SDK2: variants seen among roughly 807,000 people sequenced by gnomAD.
SDK2 encodes the protein sidekick cell adhesion molecule 2.
A neutral mutation model predicts 253.9 loss-of-function variants in SDK2; 105 were observed. The ratio of observed to expected loss-of-function variants is 0.41; its 90% CI spans 0.35 to 0.49. The LOEUF (loss-of-function observed/expected upper bound fraction) is 0.49, where lower values mean the gene tolerates loss of function less well. SDK2 is among the 20% of genes least tolerant of loss of function. The pLI, the probability that SDK2 is intolerant of heterozygous loss-of-function variation, is 0.06. For missense variants in SDK2, 2,608 were observed against 3,003.0 expected (o/e 0.87, Z 3.07); for synonymous variants, 1,249 against 1,234.9 (o/e 1.01, Z -0.24).
In SDK2 at chr17:73,618,175, T is replaced by C. The variant is rs2046084396; in HGVS notation, c.64+25850A>G. Among the ~76,000 whole-genome samples the C allele has an allele frequency of 6.6e-6, 1 of 152,176 alleles. No homozygotes were observed. Among genetic ancestry groups the C allele is most frequent in the African/African-American group, 2.4e-5 (1 of 41,448 alleles). On this transcript the variant is annotated intron_variant, in intron 1 of 44. Transcript: ENST00000392650. This position sits in a 1 kb window ranked among gnomAD's most constrained non-coding sequence, Gnocchi z 4.1. Reference sequence around the variant, plus strand: ...TTACCTGCAGGTAGGGAAATGGTAATTTGCTAACCCAAACCCATTCATTAG... The same window carrying C: ...TTACCTGCAGGTAGGGAAATGGTAACTTGCTAACCCAAACCCATTCATTAG...
chr17:73,423,292 A>G, intron 14 of SDK2, 94 bp downstream of exon 14: 1 of 1,212,858 alleles, frequency 8.2e-7, no homozygotes, highest in East Asian at 3.1e-5. Flanking sequence ...AAGGCCCAGA[A>G]CTAGGAAGCA....
At chr17:73,428,362 C>A (rs908325623) in intron 12 of SDK2, among the ~76,000 whole-genome samples, 4 of 152,134 alleles carry the variant, frequency 2.6e-5, no homozygotes, top group Non-Finnish European at 5.9e-5. Flanking sequence ...CGGCGCCTGG[C>A]CAGAGTGTTT....
At chr17:73,568,235 C>G (rs2045335501) in intron 1 of SDK2, among the ~76,000 whole-genome samples, 1 of 152,138 alleles carries the variant, frequency 6.6e-6, no homozygotes, top group Non-Finnish European at 1.5e-5. Flanking sequence ...ACCTTCTCCC[C>G]CTCTCTCTTG....
At chr17:73,545,181 G>T (rs1214999162) in intron 1 of SDK2, among the ~76,000 whole-genome samples, 1 of 151,338 alleles carries the variant, frequency 6.6e-6, no homozygotes, top group Admixed American at 6.6e-5. Flanking sequence ...TCTGTATCTT[G>T]TTGGGGTTCC....
At position 73,389,679 on chromosome 17, in the gene SDK2, C is replaced by T. The variant is rs564457192; in HGVS notation, c.4192+608G>A. Reference sequence around the variant, plus strand: ...GCTCCAGGCTGCAGCCCTGATCCTGCGCCCATCTGTGTTGACAAGGCCAGG... The same window carrying T: ...GCTCCAGGCTGCAGCCCTGATCCTGTGCCCATCTGTGTTGACAAGGCCAGG... On this transcript the variant is annotated intron_variant, in intron 29 of 44. Coordinates refer to ENST00000392650, the MANE Select transcript of SDK2 (RefSeq NM_001144952.2). Among the ~76,000 whole-genome samples the T allele has an allele frequency of 9.2e-5, 14 of 152,306 alleles. No individual in the cohort carries two copies. The East Asian group carries it at 1.5e-3, about 17-fold the overall frequency.
chr17:73,369,069 T>C, intron 36 of SDK2: 2 of 405,512 alleles, frequency 4.9e-6, no homozygotes, highest in Non-Finnish European at 1.0e-5. Flanking sequence ...AACCTTCCTT[T>C]TCACAGCCAA....
Position 73,338,678 on chromosome 17 carries a change from G to C in SDK2, c.6428C>G (p.Pro2143Arg). The C allele has an allele frequency of 6.3e-7, 1 of 1,592,406 alleles. No homozygotes were observed. Among genetic ancestry groups the C allele is most frequent in the Non-Finnish European group, 8.6e-7 (1 of 1,169,364 alleles). The change falls in exon 45 of 45, where the codon CCC becomes CGC. Residue 2143 changes from proline (P) to arginine (R), a missense_variant. Physicochemically the swap from Pro to Arg is moderately radical, Grantham distance 103. Coordinates refer to ENST00000392650, the MANE Select transcript of SDK2 (RefSeq NM_001144952.2). This position sits in a 1 kb window ranked among gnomAD's most constrained non-coding sequence, Gnocchi z 5.0. ...RTPTPQNPPN[P>R]PSQQSTLYRP... ...GTAGAGGGTGCTCTGCTGACTTGGG[G>C]GGTTAGGGGGGTTCTGGGGCGTTGG...
In SDK2 at chr17:73,564,202, T is replaced by A. The variant is rs565819509; in HGVS notation, c.65-56605A>T. ...GGTAACCAATAGCCACATATAGCTA[T>A]TTAAGTTAATTAAAATTAAATAAAA... On this transcript the variant is annotated intron_variant, in intron 1 of 44. Coordinates refer to ENST00000392650, the MANE Select transcript of SDK2 (RefSeq NM_001144952.2). 3.9e-5 allele frequency among the ~76,000 whole-genome samples: 6 copies of A among 152,380 alleles called. 1 individual carries two copies. The highest frequency in any genetic ancestry group is 1.4e-4 in the African/African-American group (6 of 41,592).
intron 2 of SDK2, among the ~76,000 whole-genome samples, chr17:73,500,742 C>G (rs1363594294): frequency 2.7e-5 from 4 of 149,998 alleles, no homozygotes; most frequent in Non-Finnish European, 5.9e-5. Context: ...TCCCTCCATT[C>G]TCCTCCATCC....
chr17:73,454,162 A>T (rs1673924336), intron 4 of SDK2, among the ~76,000 whole-genome samples: 1 of 152,226 alleles, frequency 6.6e-6, no homozygotes, highest in Non-Finnish European at 1.5e-5. Context: ...TTCACACAAC[A>T]ATGAAACAGC....
intron 12 of SDK2, among the ~76,000 whole-genome samples, chr17:73,428,992 G>T (rs936436844): frequency 6.6e-6 from 1 of 152,322 alleles, no homozygotes. Flanking sequence ...TACAGAGTGG[G>T]TCTGCAGGTT....
chr17:73,379,138 C>T lies in SDK2; in HGVS notation c.4980+39G>A. 6.8e-6 allele frequency: 10 copies of T among 1,470,190 alleles called. No homozygotes were observed. The highest frequency in any genetic ancestry group is 9.3e-6 in the Non-Finnish European group (10 of 1,075,082). The allele number at this position is 1,470,190 out of a possible 1,614,324, so 91.1% of individuals were successfully genotyped here. A position where few individuals can be genotyped will look rare whatever the true frequency, so the allele number is the denominator to read the frequency against. ...CTCCCCAGCCTCCGACCTGGCTTCT[C>T]ATCCGTGCACCCCTTTGCTCTGCCC... On this transcript the variant is annotated intron_variant, in intron 36 of 44. Coordinates refer to ENST00000392650, the MANE Select transcript of SDK2 (RefSeq NM_001144952.2). This position sits in a 1 kb window ranked among gnomAD's most constrained non-coding sequence, Gnocchi z 4.5.
intron 1 of SDK2, among the ~76,000 whole-genome samples, chr17:73,608,631 T>C (rs2045936788): frequency 6.6e-6 from 1 of 152,024 alleles, no homozygotes; most frequent in Non-Finnish European, 1.5e-5. Context: ...TTAGTAGAGA[T>C]GGGGTTTTAC....
Position 73,398,334 on chromosome 17 carries a change from G to C in SDK2, c.3189C>G (p.Pro1063=). The C allele has an allele frequency of 6.2e-7, 1 of 1,613,970 alleles. No homozygotes were observed. The highest frequency in any genetic ancestry group is 8.5e-7 in the Non-Finnish European group (1 of 1,179,836). Residue 1063 remains proline, a synonymous_variant, in exon 23 of 45, where the codon CCC becomes CCG. Transcript: ENST00000392650. The part of the protein sequence containing the change: ...ARSMEVPDLN[P]FTCYSFRMRQ... ...AGTCTCATTACCTGTAGCAGGTGAA[G>C]GGGTTGAGGTCGGGCACCTCCATGG...
chr17:73,571,947 G>C (rs544465209), intron 1 of SDK2, among the ~76,000 whole-genome samples: 1 of 152,190 alleles, frequency 6.6e-6, no homozygotes, highest in South Asian at 2.1e-4. Flanking sequence ...AAGGAGGAGC[G>C]CCCGCGGGGC....
In SDK2 at chr17:73,447,681, C is replaced by A; in HGVS notation, c.547G>T (p.Val183Leu). 6.4e-7 allele frequency: 1 copy of A among 1,551,804 alleles called. No homozygotes were observed. Among genetic ancestry groups the A allele is most frequent in the South Asian group, 1.2e-5 (1 of 84,064 alleles). Residue 183 changes from valine (V) to leucine (L), a missense_variant, in exon 5 of 45, where the codon GTG (valine) becomes TTG (leucine). This residue lies in a region of SDK2 where 1,505 missense variants were observed against 1,859.1 expected (regional missense o/e 0.81). Transcript: ENST00000392650. This position sits in a 1 kb window ranked among gnomAD's most constrained non-coding sequence, Gnocchi z 4.0. ...CCGTTTTTGTCGTTAACAGCCTGCA[C>A]ATAGTAGCGACCTGCGTCAGGGGCC... ...TVAPDAGRYY[V>L]QAVNDKNGDN... is the part of the protein sequence containing the mutation.
intron 44 of SDK2, among the ~76,000 whole-genome samples, chr17:73,340,575 A>G (rs1414773992): frequency 6.6e-6 from 1 of 152,168 alleles, no homozygotes; most frequent in Non-Finnish European, 1.5e-5. Flanking sequence ...ACTGGGGACA[A>G]AGCCAGAGCC....
At chr17:73,626,205 G>A (rs1461080989) in intron 1 of SDK2, among the ~76,000 whole-genome samples, 1 of 152,246 alleles carries the variant, frequency 6.6e-6, no homozygotes, top group Non-Finnish European at 1.5e-5. Context: ...CAAGAGATGT[G>A]CCAGAATTGC....
intron 1 of SDK2, among the ~76,000 whole-genome samples, chr17:73,633,247 C>T (rs543443831): frequency 7.2e-5 from 11 of 152,204 alleles, no homozygotes; most frequent in South Asian, 2.1e-4. Flanking sequence ...ACTACGCCAC[C>T]GCCCTCCAGC....
Sources: allele counts gnomAD v4.1 joint callset (sites outside exome capture counted in the v4.1 genomes callset), GRCh38; gene constraint gnomAD v4.1.1; regional missense constraint gnomAD v4.1.1; non-coding constraint Gnocchi (gnomAD v3.1); transcripts MANE v1.5; gene names NCBI Gene and HGNC (gene_info 2026-07-23, HGNC 2026-07-21).